The following BCAS1 variants were observed in gnomAD, a reference collection of about 807,000 sequenced individuals.
BCAS1 encodes breast carcinoma-amplified sequence 1.
In BCAS1, 46 loss-of-function variants were observed where a neutral mutation model predicts 65.4. The observed-to-expected ratio is 0.70, with a 90% confidence interval of 0.55 to 0.90. The LOEUF (loss-of-function observed/expected upper bound fraction) is 0.90, where lower values mean the gene tolerates loss of function less well. Among genes scored for constraint, BCAS1 ranks in the 40% least tolerant of loss-of-function variants. The pLI is 0.00. For missense variants in BCAS1, 793 were observed against 771.2 expected, an observed-to-expected ratio of 1.03 and a Z score of -0.33; for synonymous variants, 298 against 293.5, an observed-to-expected ratio of 1.02 and a Z score of -0.16.
At chr20:54,017,476 A>G (rs1274492463) in intron 4 of BCAS1, among the ~76,000 whole-genome samples, 2 of 151,150 alleles carry the variant, frequency 1.3e-5, no homozygotes, top group Non-Finnish European at 2.9e-5. Flanking sequence ...GCTCACTGCA[A>G]TCTCCATCTC....
chr20:53,984,433 T>C (rs1017537283), intron 8 of BCAS1, among the ~76,000 whole-genome samples: 5 of 152,326 alleles, frequency 3.3e-5, no homozygotes, highest in Admixed American at 3.3e-4. Context: ...GGGCCCCGCA[T>C]CCAGCTGGAT....
At chr20:53,978,949 C>T (rs1295570576) in intron 8 of BCAS1, among the ~76,000 whole-genome samples, 2 of 152,188 alleles carry the variant, frequency 1.3e-5, no homozygotes, top group East Asian at 3.8e-4. Flanking sequence ...AGACTATCTA[C>T]TGCTCATAGC....
chr20:54,047,275 C>T (rs2092126956), intron 3 of BCAS1, among the ~76,000 whole-genome samples: 2 of 152,182 alleles, frequency 1.3e-5, no homozygotes. Flanking sequence ...TCTTAAAAGG[C>T]TTCTTGAAAG....
At position 54,035,130 on chromosome 20, in the gene BCAS1, C is replaced by T. The variant is rs555901044; in HGVS notation, c.143-6158G>A. Among the ~76,000 whole-genome samples, 16 of 151,014 alleles carry T rather than the reference C, an allele frequency of 1.1e-4. No individual in the cohort carries two copies. The South Asian group carries it at 1.3e-3, about 12-fold the overall frequency. ...CCTTCCTTACAACATATACAAAAAT[C>T]GGCCGGGCTTGGTGGCTCACGCTTG... On this transcript the variant is annotated intron_variant, in intron 3 of 12. Transcript: ENST00000688948.
chr20:54,055,721 T>C (rs1449609826), intron 3 of BCAS1, among the ~76,000 whole-genome samples: 2 of 151,874 alleles, frequency 1.3e-5, no homozygotes, highest in East Asian at 3.8e-4. Context: ...TGCAGCATTA[T>C]TCACAATAGC....
At chr20:54,041,807 G>A (rs183396966) in intron 3 of BCAS1, among the ~76,000 whole-genome samples, 28 of 148,332 alleles carry the variant, frequency 1.9e-4, no homozygotes, top group Admixed American at 1.2e-3. Flanking sequence ...GCGGTGGCAG[G>A]AGAATCATTT....
chr20:54,030,425 C>T (rs1207441119), intron 3 of BCAS1, among the ~76,000 whole-genome samples: 3 of 152,176 alleles, frequency 2.0e-5, no homozygotes, highest in Non-Finnish European at 4.4e-5. Context: ...TTGACAGATA[C>T]TGTGATAACT....
chr20:53,994,234 C>G (rs2090841989), intron 6 of BCAS1, among the ~76,000 whole-genome samples: 1 of 152,208 alleles, frequency 6.6e-6, no homozygotes, highest in African/African-American at 2.4e-5. Flanking sequence ...ACCCAAGACA[C>G]TTATCTGTCA....
intron 3 of BCAS1, among the ~76,000 whole-genome samples, chr20:54,050,798 G>T (rs1046735901): frequency 6.6e-6 from 1 of 152,126 alleles, no homozygotes; most frequent in Non-Finnish European, 1.5e-5. Context: ...GAGAACATAT[G>T]TGCCTTTTAA....
intron 12 of BCAS1, 88 bp from the exon 13 acceptor site, chr20:53,945,084 G>T (rs959486532): frequency 8.8e-7 from 1 of 1,138,528 alleles, no homozygotes; most frequent in Non-Finnish European, 1.3e-6. Flanking sequence ...CTTACTCTGT[G>T]CTAGGTGTTG....
intron 12 of BCAS1, among the ~76,000 whole-genome samples, chr20:53,945,258 A>T (rs2089275401): frequency 6.6e-6 from 1 of 152,162 alleles, no homozygotes; most frequent in Admixed American, 6.5e-5. Flanking sequence ...TAAAATGGAA[A>T]TGACAAACTT....
intron 11 of BCAS1, among the ~76,000 whole-genome samples, chr20:53,955,717 TG>T (rs1450060151): frequency 1.3e-5 from 2 of 152,190 alleles, no homozygotes; most frequent in Admixed American, 1.3e-4. Context: ...GACACACCAG[TG>T]TTCTCAAGTC....
intron 4 of BCAS1, among the ~76,000 whole-genome samples, chr20:54,023,663 G>C (rs1369748802): frequency 6.6e-6 from 1 of 152,220 alleles, no homozygotes; most frequent in Non-Finnish European, 1.5e-5. Context: ...ATATTGACTG[G>C]AGAAATTTAA....
chr20:53,973,746 T>C (rs1356966549), intron 9 of BCAS1, among the ~76,000 whole-genome samples: 1 of 152,166 alleles, frequency 6.6e-6, no homozygotes, highest in Non-Finnish European at 1.5e-5. Context: ...GAGAACTTTC[T>C]GGAATGATGA....
intron 4 of BCAS1, among the ~76,000 whole-genome samples, chr20:54,007,250 G>C (rs151330331): frequency 1.3e-5 from 2 of 152,186 alleles, no homozygotes; most frequent in Admixed American, 1.3e-4. Context: ...TGTGGTTCCA[G>C]GGCTAGACAT....
intron 10 of BCAS1, among the ~76,000 whole-genome samples, chr20:53,961,400 G>A (rs1402049070): frequency 6.6e-6 from 1 of 152,126 alleles, no homozygotes; most frequent in Non-Finnish European, 1.5e-5. Flanking sequence ...AAATTTCTAG[G>A]ATCAACAAAG....
intron 3 of BCAS1, among the ~76,000 whole-genome samples, chr20:54,044,851 A>G (rs1449314470): frequency 6.6e-6 from 1 of 152,070 alleles, no homozygotes; most frequent in African/African-American, 2.4e-5. Flanking sequence ...AAAAAAAAGA[A>G]AAAAAGAAAT....
intron 8 of BCAS1, among the ~76,000 whole-genome samples, chr20:53,980,884 A>G (rs1176299760): frequency 6.6e-6 from 1 of 152,188 alleles, no homozygotes; most frequent in East Asian, 1.9e-4. Context: ...TCAATTCATT[A>G]TTTTCTACTG....
chr20:54,019,436 T>G (rs895754437), intron 4 of BCAS1, among the ~76,000 whole-genome samples: 1 of 152,238 alleles, frequency 6.6e-6, no homozygotes, highest in Non-Finnish European at 1.5e-5. Context: ...GAGCCCTATT[T>G]CTAGGCCCAT....
Sources: allele counts gnomAD v4.1 joint callset (sites outside exome capture counted in the v4.1 genomes callset), GRCh38; gene constraint gnomAD v4.1.1; transcripts MANE v1.5; gene names NCBI Gene and HGNC (gene_info 2026-07-23, HGNC 2026-07-21).